The following DIAPH2 variants were observed in gnomAD, a reference collection of about 807,000 sequenced individuals.
DIAPH2 encodes protein diaphanous homolog 2.
Under a neutral mutation model 92.7 loss-of-function variants are expected in DIAPH2, and 35 were observed. The observed-to-expected ratio is 0.38, with a 90% CI of 0.29 to 0.50. The LOEUF is 0.50. Ranked by LOEUF, DIAPH2 falls within the 20% of genes least tolerant of loss-of-function variation. The probability of loss-of-function intolerance (pLI) is 0.94; values close to 1 mark genes in which losing one functional copy is unlikely to be tolerated. For missense variants in DIAPH2, 701 were observed against 819.5 expected (o/e 0.86, Z 1.77); for synonymous variants, 301 against 280.4 (o/e 1.07, Z -0.73).
At chrX:96,862,776 T>C (rs753034653) in intron 4 of DIAPH2, among the ~76,000 whole-genome samples, 4 of 112,060 alleles carry the variant, frequency 3.6e-5, no homozygotes, top group Non-Finnish European at 5.6e-5. Flanking sequence ...AGAGTTCTCT[T>C]CTTGTTGTTG....
chrX:96,812,019 A>T (rs1344103053), intron 4 of DIAPH2, among the ~76,000 whole-genome samples: 1 of 111,500 alleles, frequency 9.0e-6, no homozygotes. Flanking sequence ...TGGTATCAGG[A>T]TGATGCTGGC....
At chrX:97,440,851 G>A (rs1279571455) in intron 26 of DIAPH2, among the ~76,000 whole-genome samples, 1 of 110,479 alleles carries the variant, frequency 9.1e-6, no homozygotes, top group Non-Finnish European at 1.9e-5. Flanking sequence ...TAGGAGGGGG[G>A]TGAGAGATGA....
chrX:96,934,824 A>G (rs754024187), intron 10 of DIAPH2, among the ~76,000 whole-genome samples: 4 of 111,621 alleles, frequency 3.6e-5, no homozygotes, highest in Non-Finnish European at 7.5e-5. Flanking sequence ...CCTTTTATTT[A>G]GTTAAATAAA....
intron 4 of DIAPH2, among the ~76,000 whole-genome samples, chrX:96,766,172 T>C (rs993605778): frequency 9.1e-6 from 1 of 109,687 alleles, no homozygotes; most frequent in African/African-American, 3.3e-5. Context: ...GACCTGAAGA[T>C]GCAATATGGT....
At chrX:97,245,224 G>A (rs1000415988) in intron 22 of DIAPH2, among the ~76,000 whole-genome samples, 4 of 110,424 alleles carry the variant, frequency 3.6e-5, no homozygotes, top group African/African-American at 9.9e-5. Flanking sequence ...CTGTGGCCTC[G>A]AGCTCCCAGG....
At chrX:97,526,462 CA>C (rs397896895) in intron 26 of DIAPH2, among the ~76,000 whole-genome samples, 2,665 of 58,724 alleles carry the variant, frequency 0.045, 79 homozygotes, top group African/African-American at 0.13. Flanking sequence ...GAAGGAATGC[CA>C]AAAAAAAAAA....
intron 4 of DIAPH2, among the ~76,000 whole-genome samples, chrX:96,764,271 G>A (rs2147605859): frequency 9.0e-6 from 1 of 111,111 alleles, no homozygotes; most frequent in East Asian, 2.8e-4. Context: ...TGGGCTTTCA[G>A]GGAATAATTA....
intron 26 of DIAPH2, among the ~76,000 whole-genome samples, chrX:97,491,813 T>G (rs55830634): frequency 0.016 from 1,768 of 112,288 alleles, 33 homozygotes; most frequent in African/African-American, 0.054. Context: ...TCTTCTTTTG[T>G]GATTTGTTGA....
chrX:96,992,546 A>G (rs1490517723), intron 17 of DIAPH2, among the ~76,000 whole-genome samples: 2 of 111,864 alleles, frequency 1.8e-5, no homozygotes, highest in South Asian at 3.8e-4. Flanking sequence ...TCATACCAAC[A>G]TATTTCTTTC....
At chrX:97,493,263 T>C (rs1010797200) in intron 26 of DIAPH2, among the ~76,000 whole-genome samples, 1 of 110,774 alleles carries the variant, frequency 9.0e-6, no homozygotes, top group Admixed American at 9.6e-5. Flanking sequence ...TTCATTTATT[T>C]ATTCATTTAT....
chrX:96,981,871 A>G (rs1388566719), intron 17 of DIAPH2, among the ~76,000 whole-genome samples: 3 of 111,564 alleles, frequency 2.7e-5, no homozygotes, highest in African/African-American at 9.8e-5. Context: ...TATCTGCCCC[A>G]CAGGACAAGG....
chrX:97,390,278 G>A (rs2069645872), intron 25 of DIAPH2, among the ~76,000 whole-genome samples: 1 of 91,596 alleles, frequency 1.1e-5, no homozygotes, highest in Admixed American at 1.4e-4. Context: ...GGAGTGCAGT[G>A]GCGCAGTCTT....
intron 4 of DIAPH2, among the ~76,000 whole-genome samples, chrX:96,831,998 T>C (rs1013809109): frequency 9.0e-6 from 1 of 110,861 alleles, no homozygotes; most frequent in Non-Finnish European, 1.9e-5. Context: ...CTTCAAGGAG[T>C]AGGAAAGTAC....
chrX:97,139,337 A>T (rs1033185471), intron 21 of DIAPH2, among the ~76,000 whole-genome samples: 4 of 107,673 alleles, frequency 3.7e-5, no homozygotes, highest in Admixed American at 3.0e-4. Flanking sequence ...ATATATATAT[A>T]TTTTAAATAA....
chrX:97,380,644 T>G (rs1461157134), intron 24 of DIAPH2, among the ~76,000 whole-genome samples: 1 of 106,217 alleles, frequency 9.4e-6, no homozygotes, highest in African/African-American at 3.6e-5. Context: ...AACTAAAGAT[T>G]ATTGATATGA....
intron 17 of DIAPH2, among the ~76,000 whole-genome samples, chrX:97,018,645 G>A (rs1344520791): frequency 2.7e-5 from 3 of 111,562 alleles, no homozygotes; most frequent in Non-Finnish European, 3.8e-5. Flanking sequence ...AGCATTTTAG[G>A]TTTACTGGAA....
intron 23 of DIAPH2, among the ~76,000 whole-genome samples, chrX:97,314,864 G>T (rs916754091): frequency 4.5e-5 from 5 of 112,025 alleles, no homozygotes; most frequent in African/African-American, 6.5e-5. Flanking sequence ...GCCCCAGGTT[G>T]CTGGAAGGCA....
chrX:96,951,130 T>C, intron 15 of DIAPH2, among the ~76,000 whole-genome samples: 1 of 111,414 alleles, frequency 9.0e-6, no homozygotes, highest in Non-Finnish European at 1.9e-5. Context: ...CCATACTCAT[T>C]TGACCACAGC....
Position 96,694,633 on chromosome X carries a change from G to A in DIAPH2, c.132+9443G>A, listed in dbSNP as rs188118747. On this transcript the variant is annotated intron_variant, in intron 1 of 26. Coordinates refer to ENST00000324765, the MANE Select transcript of DIAPH2 (RefSeq NM_006729.5). ...TGGGATTACAGGCATGAGCTACCGC[G>A]CCTGGCTGCATTGTTTTTTGAAGTT... Among the ~76,000 whole-genome samples, 127 of 111,865 alleles carry A rather than the reference G, an allele frequency of 1.1e-3. 1 individual carries two copies. Among genetic ancestry groups the A allele is most frequent in the Admixed American group, 0.01 (110 of 10,534 alleles).
Sources: gnomAD v4.1 joint callset for allele counts (sites outside exome capture counted in the v4.1 genomes callset) on GRCh38, gnomAD v4.1.1 for gene constraint, MANE v1.5 for transcripts, NCBI Gene and HGNC (gene_info 2026-07-23, HGNC 2026-07-21) for gene names.